COL8A1: variants seen among roughly 807,000 people sequenced by gnomAD.
The protein encoded by COL8A1 is collagen type VIII alpha 1 chain.
COL8A1 carries 21 observed loss-of-function variants against 42.7 expected under a neutral mutation model. That is an observed-to-expected ratio of 0.49 (90% CI 0.35 to 0.71). The LOEUF is 0.71. Among genes scored for constraint, COL8A1 ranks in the 30% least tolerant of loss-of-function variants. The probability of loss-of-function intolerance (pLI) is 0.01; values close to 1 mark genes in which losing one functional copy is unlikely to be tolerated. For synonymous variants in COL8A1, 367 were observed against 369.1 expected (o/e 0.99, Z 0.06); for missense variants, 788 against 962.4 (o/e 0.82, Z 2.40).
chr3:99,678,988 G>A (rs1302519580), intron 1 of COL8A1: 2 of 152,150 alleles, frequency 1.3e-5, no homozygotes, highest in Non-Finnish European at 2.9e-5. Context: ...TATAAATATT[G>A]ACACACATAC....
chr3:99,720,763 T>C lies in COL8A1; in HGVS notation c.-128-24134T>C, dbSNP rs1032636827. 2.6e-5 allele frequency among the ~76,000 whole-genome samples: 4 copies of C among 152,118 alleles called. No individual in the cohort carries two copies. In the East Asian group the frequency reaches 7.7e-4, roughly 29 times the overall value. ...CATTGAGAAAATGGAAGAACTGTCATGTATTCAAAAACCAGAACCAAGTAC... is the reference window on the plus strand; with the variant it reads ...CATTGAGAAAATGGAAGAACTGTCACGTATTCAAAAACCAGAACCAAGTAC... On this transcript the variant is annotated intron_variant, in intron 1 of 3. Transcript: ENST00000652472.
intron 1 of COL8A1, among the ~76,000 whole-genome samples, chr3:99,649,397 G>A (rs1386993293): frequency 6.6e-6 from 1 of 152,026 alleles, no homozygotes; most frequent in African/African-American, 2.4e-5. Context: ...AAAAAATAGA[G>A]GTAGGGGAAT....
intron 2 of COL8A1, among the ~76,000 whole-genome samples, chr3:99,784,522 A>G (rs1688772): frequency 0.82 from 123,976 of 151,760 alleles, 50,955 homozygotes; most frequent in African/African-American, 0.91. Context: ...CCTTGGCTAC[A>G]TGGCATAGCC....
intron 1 of COL8A1, among the ~76,000 whole-genome samples, chr3:99,724,380 T>A (rs918195356): frequency 6.6e-6 from 1 of 152,128 alleles, no homozygotes; most frequent in African/African-American, 2.4e-5. Flanking sequence ...CCTTTCACCA[T>A]GACCCGTCCT....
intron 1 of COL8A1, among the ~76,000 whole-genome samples, chr3:99,671,106 A>T (rs1938530804): frequency 6.6e-6 from 1 of 152,032 alleles, no homozygotes; most frequent in Non-Finnish European, 1.5e-5. Flanking sequence ...AAATTTTTAA[A>T]AGAATATGGA....
intron 1 of COL8A1, among the ~76,000 whole-genome samples, chr3:99,709,483 A>T (rs1241677071): frequency 6.6e-6 from 1 of 152,204 alleles, no homozygotes; most frequent in East Asian, 1.9e-4. Flanking sequence ...TCTGGCTTAC[A>T]GTTGGTGCTC....
At chr3:99,731,740 T>C (rs911537747) in intron 1 of COL8A1, among the ~76,000 whole-genome samples, 2 of 152,068 alleles carry the variant, frequency 1.3e-5, no homozygotes, top group African/African-American at 4.8e-5. Context: ...GACTATGGTA[T>C]AGAAACTGGA....
chr3:99,769,915 T>C (rs1219694983), intron 2 of COL8A1, among the ~76,000 whole-genome samples: 1 of 151,604 alleles, frequency 6.6e-6, no homozygotes, highest in Non-Finnish European at 1.5e-5. Flanking sequence ...TTAGATTCCA[T>C]CCAAAAAAAA....
intron 1 of COL8A1, among the ~76,000 whole-genome samples, chr3:99,735,296 A>C (rs1334746328): frequency 3.4e-5 from 4 of 117,394 alleles, no homozygotes; most frequent in Non-Finnish European, 6.9e-5. Context: ...TTTGTCATAG[A>C]TAGCTCTTAT....
chr3:99,764,381 T>C (rs1435309726), intron 2 of COL8A1, among the ~76,000 whole-genome samples: 2 of 152,210 alleles, frequency 1.3e-5, no homozygotes, highest in African/African-American at 4.8e-5. Flanking sequence ...AACATTAGTA[T>C]AAATTTCAAA....
rs115883238 is a variant in COL8A1, at chr3:99,668,011, T to C, written c.-129+29347T>C. ...GAGCTGGACCAGAATGTGAAAAATG[T>C]CCATCAGCATTTGAGTTAATAATGA... On this transcript the variant is annotated intron_variant, in intron 1 of 3. Coordinates refer to ENST00000652472, the MANE Select transcript of COL8A1 (RefSeq NM_020351.4). Among the ~76,000 whole-genome samples, 538 of 152,238 alleles carry C rather than the reference T, an allele frequency of 3.5e-3. 7 individuals are homozygous for C. The highest frequency in any genetic ancestry group is 0.012 in the African/African-American group (515 of 41,554).
intron 1 of COL8A1, among the ~76,000 whole-genome samples, chr3:99,731,890 T>G (rs960604854): frequency 6.6e-6 from 1 of 152,158 alleles, no homozygotes; most frequent in African/African-American, 2.4e-5. Flanking sequence ...ACAATTATTA[T>G]GCTTATTATT....
chr3:99,738,872 C>A (rs548497549), intron 1 of COL8A1, among the ~76,000 whole-genome samples: 1 of 152,102 alleles, frequency 6.6e-6, no homozygotes, highest in Non-Finnish European at 1.5e-5. Flanking sequence ...TAGCAATCAG[C>A]GAGATTCCGT....
Position 99,651,481 on chromosome 3 carries a change from C to T in COL8A1, c.-129+12817C>T, listed in dbSNP as rs116228513. Among the ~76,000 whole-genome samples the T allele has an allele frequency of 6.5e-3, 990 of 152,356 alleles. 4 individuals are homozygous for T. The highest frequency in any genetic ancestry group is 9.5e-3 in the Non-Finnish European group (647 of 68,034). ...ACACTGCGAAGAAGGCTAAGCTCTC[C>T]GCCAGCAGGTCAGCGGAGGTAGCAT... On this transcript the variant is annotated intron_variant, in intron 1 of 3. Transcript: ENST00000652472.
intron 2 of COL8A1, among the ~76,000 whole-genome samples, chr3:99,780,791 G>T (rs187674243): frequency 2.0e-5 from 3 of 152,156 alleles, no homozygotes; most frequent in Middle Eastern, 3.4e-3. Flanking sequence ...TTTGAAAAAT[G>T]TTCAGTGGAT....
At chr3:99,793,016 G>C (rs1942030042) in intron 3 of COL8A1, among the ~76,000 whole-genome samples, 1 of 152,044 alleles carries the variant, frequency 6.6e-6, no homozygotes, top group South Asian at 2.1e-4. Flanking sequence ...ACTTTGCCAG[G>C]CACAGGAAGA....
chr3:99,641,063 C>T (rs1937498397), intron 1 of COL8A1, among the ~76,000 whole-genome samples: 1 of 152,122 alleles, frequency 6.6e-6, no homozygotes, highest in Non-Finnish European at 1.5e-5. Flanking sequence ...TGTTCTACTA[C>T]TGTCAAAATT....
chr3:99,725,663 G>C (rs1394241007), intron 1 of COL8A1, among the ~76,000 whole-genome samples: 1 of 147,616 alleles, frequency 6.8e-6, no homozygotes, highest in African/African-American at 2.5e-5. Flanking sequence ...AGAACATGTG[G>C]TGTTTGGTTT....
chr3:99,725,196 A>G (rs887530598), intron 1 of COL8A1, among the ~76,000 whole-genome samples: 2 of 152,008 alleles, frequency 1.3e-5, no homozygotes, highest in Non-Finnish European at 2.9e-5. Flanking sequence ...TGTTATGGGA[A>G]GAAGAGGAAT....
Sources: allele counts gnomAD v4.1 joint callset (sites outside exome capture counted in the v4.1 genomes callset), GRCh38; gene constraint gnomAD v4.1.1; transcripts MANE v1.5; gene names NCBI Gene and HGNC (gene_info 2026-07-23, HGNC 2026-07-21).